Variants in FRMD6 observed in about 807,000 individuals in gnomAD.
The protein encoded by FRMD6 is FERM domain-containing protein 6.
A neutral mutation model predicts 73.2 loss-of-function variants in FRMD6; 37 were observed. The observed-to-expected ratio is 0.51, with a 90% confidence interval of 0.39 to 0.66. The LOEUF (loss-of-function observed/expected upper bound fraction) is 0.66, where lower values mean the gene tolerates loss of function less well. Ranked by LOEUF, FRMD6 falls within the 30% of genes least tolerant of loss-of-function variation. The pLI is 0.00. For synonymous variants in FRMD6, 273 were observed against 282.2 expected (o/e 0.97, Z 0.33); for missense variants, 714 against 780.5 (o/e 0.91, Z 1.02).
chr14:51,424,388 G>A, the FRMD6 span, among the ~76,000 whole-genome samples: 1 of 152,342 alleles, frequency 6.6e-6, no homozygotes, highest in Admixed American at 6.5e-5. Flanking sequence ...AAGAGCACAA[G>A]TGAAAACCAT....
the FRMD6 span, among the ~76,000 whole-genome samples, chr14:51,400,127 A>G: frequency 6.8e-6 from 1 of 146,630 alleles, no homozygotes; most frequent in Non-Finnish European, 1.5e-5. Context: ...AAGAACATTT[A>G]AAGTCCTCTC....
At chr14:51,488,680 C>T (rs546244200), upstream of FRMD6, among the ~76,000 whole-genome samples, 1 of 152,238 alleles carries the variant, frequency 6.6e-6, no homozygotes, top group Non-Finnish European at 1.5e-5. Context: ...GACTCTCCTA[C>T]ATTGACTGCC....
At chr14:51,455,733 C>T in the FRMD6 span, among the ~76,000 whole-genome samples, 2 of 152,134 alleles carry the variant, frequency 1.3e-5, no homozygotes, top group Middle Eastern at 3.4e-3. Context: ...AATTTGGAGG[C>T]AAAGCAAACG....
chr14:51,610,989 G>A (rs879783983), intron 2 of FRMD6, among the ~76,000 whole-genome samples: 2 of 152,170 alleles, frequency 1.3e-5, no homozygotes, highest in Non-Finnish European at 2.9e-5. Flanking sequence ...AAGAGAAATT[G>A]GATGTGGGTC....
chr14:51,399,388 C>T, the FRMD6 span, among the ~76,000 whole-genome samples: 104 of 152,328 alleles, frequency 6.8e-4, no homozygotes, highest in African/African-American at 2.3e-3. Context: ...CTCTAGTAGA[C>T]ATTAGCCACC....
chr14:51,624,188 T>G (rs564567760), intron 2 of FRMD6, among the ~76,000 whole-genome samples: 6 of 152,234 alleles, frequency 3.9e-5, no homozygotes, highest in Admixed American at 3.9e-4. Context: ...GTAAAAATAA[T>G]TAATGGATAC....
intron 1 of FRMD6, among the ~76,000 whole-genome samples, chr14:51,501,997 A>G (rs1883648246): frequency 2.0e-5 from 3 of 152,286 alleles, no homozygotes; most frequent in Middle Eastern, 3.4e-3. Context: ...TTCTATTCAT[A>G]TACTTGTTGG....
chr14:51,516,134 C>T (rs555514790), intron 1 of FRMD6, among the ~76,000 whole-genome samples: 35 of 152,212 alleles, frequency 2.3e-4, no homozygotes, highest in Non-Finnish European at 4.4e-4. Flanking sequence ...TCTCCTCCTG[C>T]CAAAGAGCTG....
intron 1 of FRMD6, among the ~76,000 whole-genome samples, chr14:51,516,821 G>A (rs943344963): frequency 1.3e-5 from 2 of 152,202 alleles, no homozygotes; most frequent in Non-Finnish European, 2.9e-5. Context: ...ATTATGGGAT[G>A]TCGAGTCCCT....
chr14:51,396,670 G>A, the FRMD6 span, among the ~76,000 whole-genome samples: 2 of 152,160 alleles, frequency 1.3e-5, no homozygotes, highest in Admixed American at 6.5e-5. Flanking sequence ...CCTGCTCATC[G>A]GAACAACTTT....
intron 1 of FRMD6, among the ~76,000 whole-genome samples, chr14:51,680,678 A>G (rs1894731080): frequency 6.6e-6 from 1 of 151,956 alleles, no homozygotes; most frequent in Admixed American, 6.6e-5. Flanking sequence ...CTAAAATTAT[A>G]TAGTGAAAGG....
At chr14:51,424,199 T>A in the FRMD6 span, among the ~76,000 whole-genome samples, 1 of 152,038 alleles carries the variant, frequency 6.6e-6, no homozygotes, top group Non-Finnish European at 1.5e-5. Flanking sequence ...AGAACAATAG[T>A]TAAAGGGGAA....
intron 2 of FRMD6, among the ~76,000 whole-genome samples, chr14:51,593,815 G>T (rs933589024): frequency 6.6e-6 from 1 of 151,916 alleles, no homozygotes; most frequent in Admixed American, 6.6e-5. Flanking sequence ...AATATGTTAT[G>T]TGTATATATA....
chr14:51,652,581 A>G (rs1455159746), intron 1 of FRMD6, among the ~76,000 whole-genome samples: 1 of 152,250 alleles, frequency 6.6e-6, no homozygotes, highest in Non-Finnish European at 1.5e-5. Flanking sequence ...ACCCGAGCGC[A>G]GGGTCTGCCC....
At chr14:51,480,707 A>G in the FRMD6 span, among the ~76,000 whole-genome samples, 1 of 152,258 alleles carries the variant, frequency 6.6e-6, no homozygotes. Context: ...GAGCCTGTCT[A>G]TACTTTAGTT....
chr14:51,722,223 G>A, intron 12 of FRMD6, 143 bp downstream of exon 12: 1 of 754,270 alleles, frequency 1.3e-6, no homozygotes, highest in Non-Finnish European at 2.1e-6. Flanking sequence ...GGTCAGTGTT[G>A]TAAACTGCAG....
chr14:51,450,217 A>T, the FRMD6 span, among the ~76,000 whole-genome samples: 7 of 152,236 alleles, frequency 4.6e-5, no homozygotes, highest in African/African-American at 7.2e-5. Flanking sequence ...TGATAATATC[A>T]CTACCATCTT....
intron 2 of FRMD6, among the ~76,000 whole-genome samples, chr14:51,625,970 C>T (rs1452927968): frequency 6.6e-6 from 1 of 152,118 alleles, no homozygotes; most frequent in Non-Finnish European, 1.5e-5. Flanking sequence ...CTTGTGTTTA[C>T]TATAGTTGTA....
intron 1 of FRMD6, among the ~76,000 whole-genome samples, chr14:51,682,572 G>A (rs1894875970): frequency 6.6e-6 from 1 of 152,080 alleles, no homozygotes; most frequent in African/African-American, 2.4e-5. Flanking sequence ...TTCTATGGAT[G>A]GTTTCTGGCT....
Sources: allele counts gnomAD v4.1 joint callset (sites outside exome capture counted in the v4.1 genomes callset), GRCh38; gene constraint gnomAD v4.1.1; transcripts MANE v1.5; gene names NCBI Gene and HGNC (gene_info 2026-07-23, HGNC 2026-07-21).